The following GBE1 variants were observed in gnomAD, a reference collection of about 807,000 sequenced individuals.
GBE1 encodes 1,4-alpha-glucan-branching enzyme.
A neutral mutation model predicts 88.8 loss-of-function variants in GBE1; 70 were observed. The ratio of observed to expected loss-of-function variants is 0.79; its 90% CI spans 0.65 to 0.96. GBE1 has a LOEUF of 0.96. Ranked by LOEUF, GBE1 falls within the 40% of genes least tolerant of loss-of-function variation. GBE1 has a pLI of 0.00. For missense variants in GBE1, 872 were observed against 871.0 expected, an observed-to-expected ratio of 1.00 and a Z score of -0.01; for synonymous variants, 284 against 300.1, an observed-to-expected ratio of 0.95 and a Z score of 0.56.
At chr3:81,599,555 A>C (rs1442705873) in intron 7 of GBE1, among the ~76,000 whole-genome samples, 1 of 152,204 alleles carries the variant, frequency 6.6e-6, no homozygotes, top group Non-Finnish European at 1.5e-5. Context: ...TGTACTGAAT[A>C]CTGGAGGCAA....
chr3:81,606,490 T>C (rs750825050), intron 7 of GBE1, among the ~76,000 whole-genome samples: 10 of 152,218 alleles, frequency 6.6e-5, no homozygotes, highest in East Asian at 1.9e-4. Context: ...TGATTTCACT[T>C]GGAATAAAAT....
At chr3:81,697,997 A>G (rs1302861761) in intron 2 of GBE1, among the ~76,000 whole-genome samples, 2 of 148,234 alleles carry the variant, frequency 1.3e-5, no homozygotes, top group Non-Finnish European at 3.0e-5. Flanking sequence ...TCTATTAGGT[A>G]TAATATATTA....
intron 1 of GBE1, among the ~76,000 whole-genome samples, chr3:81,740,896 C>G (rs560422836): frequency 6.6e-6 from 1 of 152,204 alleles, no homozygotes; most frequent in Non-Finnish European, 1.5e-5. Context: ...GAGGTCCAGA[C>G]CACTAATTAT....
At chr3:81,584,393 T>C (rs1703771079) in intron 10 of GBE1, among the ~76,000 whole-genome samples, 1 of 152,068 alleles carries the variant, frequency 6.6e-6, no homozygotes, top group African/African-American at 2.4e-5. Flanking sequence ...TTTATTGACA[T>C]ATAGGGAGAA....
At chr3:81,693,468 G>A (rs1705549949) in intron 2 of GBE1, among the ~76,000 whole-genome samples, 1 of 151,996 alleles carries the variant, frequency 6.6e-6, no homozygotes, top group African/African-American at 2.4e-5. Context: ...TCAATTTAAT[G>A]TTATTAATAT....
At chr3:81,632,530 A>G (rs545378231) in intron 7 of GBE1, among the ~76,000 whole-genome samples, 2 of 152,262 alleles carry the variant, frequency 1.3e-5, no homozygotes, top group South Asian at 4.1e-4. Flanking sequence ...CCAGTCAGAA[A>G]GGTAATCATT....
intron 14 of GBE1, among the ~76,000 whole-genome samples, chr3:81,499,604 A>G (rs1201635851): frequency 6.6e-6 from 1 of 152,204 alleles, no homozygotes; most frequent in Non-Finnish European, 1.5e-5. Flanking sequence ...GAATAAGTTC[A>G]ACATGTAGTC....
In GBE1 at chr3:81,729,080, C is replaced by T. The variant is rs77175802; in HGVS notation, c.144-23467G>A. Among the ~76,000 whole-genome samples the T allele has an allele frequency of 3.1e-3, 478 of 152,262 alleles. 1 individual carries two copies. The highest frequency in any genetic ancestry group is 0.011 in the African/African-American group (440 of 41,554). On this transcript the variant is annotated intron_variant, in intron 1 of 15. Coordinates refer to ENST00000429644, the MANE Select transcript of GBE1 (RefSeq NM_000158.4). ...ATTAAATATTAAGTGACTATTTAAA[C>T]TGCCTGTTTGGAACTGATTATTATC...
intron 1 of GBE1, among the ~76,000 whole-genome samples, chr3:81,760,274 T>C (rs1429065509): frequency 6.6e-6 from 1 of 152,232 alleles, no homozygotes; most frequent in African/African-American, 2.4e-5. Flanking sequence ...GTTTTATTTA[T>C]AGGAGTTCCT....
chr3:81,554,188 G>GA (rs11335438), intron 12 of GBE1, among the ~76,000 whole-genome samples: 2 of 151,868 alleles, frequency 1.3e-5, no homozygotes, highest in African/African-American at 4.8e-5. Context: ...ATGGTGGGGG[G>GA]AAAAAAATGT....
intron 2 of GBE1, among the ~76,000 whole-genome samples, chr3:81,689,999 C>T (rs980768891): frequency 1.3e-5 from 2 of 152,078 alleles, no homozygotes; most frequent in Admixed American, 1.3e-4. Context: ...CCTAATCTTC[C>T]GTGGCTGTGT....
intron 1 of GBE1, 71 bp downstream of exon 1, chr3:81,761,303 GC>G (rs1440987128): frequency 1.3e-6 from 2 of 1,525,652 alleles, no homozygotes; most frequent in African/African-American, 1.4e-5. Flanking sequence ...CCGAGGGGCG[GC>G]CCGTGTCCCG....
chr3:81,594,473 C>T (rs994669900), intron 7 of GBE1, among the ~76,000 whole-genome samples: 1 of 152,008 alleles, frequency 6.6e-6, no homozygotes, highest in Non-Finnish European at 1.5e-5. Flanking sequence ...TCAGAAAATG[C>T]ATTTTCATTA....
intron 15 of GBE1, among the ~76,000 whole-genome samples, chr3:81,494,994 G>GA (rs1192780821): frequency 6.6e-6 from 1 of 152,064 alleles, no homozygotes; most frequent in Non-Finnish European, 1.5e-5. Flanking sequence ...AGTTTAAAAT[G>GA]AAAAAATATT....
chr3:81,512,819 A>G (rs1702742972), intron 14 of GBE1, among the ~76,000 whole-genome samples: 1 of 151,804 alleles, frequency 6.6e-6, no homozygotes, highest in Non-Finnish European at 1.5e-5. Context: ...CATATTGTAA[A>G]TTGCCATGCA....
At chr3:81,493,607 A>T (rs1203872130) in intron 15 of GBE1, among the ~76,000 whole-genome samples, 2 of 150,758 alleles carry the variant, frequency 1.3e-5, no homozygotes, top group African/African-American at 4.9e-5. Flanking sequence ...ATCTTGGCTC[A>T]CCGCAGCCTC....
rs1328253315 is a variant in GBE1, at chr3:81,642,969, C to T, written c.804G>A (p.Glu268=). 1 of 1,610,556 alleles carries T rather than the reference C, an allele frequency of 6.2e-7. No individual in the cohort carries two copies. Residue 268 remains glutamate (E), a synonymous_variant, in exon 7 of 16, where the codon GAG becomes GAA. Transcript: ENST00000429644. ...GAGCTGTGTCTACCAGTTCTTGTAG[C>T]TCTTCAGGTGTTCCATAACGGCTAA... is the stretch of plus-strand genomic sequence containing the variant. ...AASSRYGTPE[E]LQELVDTAHS...
At chr3:81,630,441 G>A (rs925177528) in intron 7 of GBE1, among the ~76,000 whole-genome samples, 18 of 152,058 alleles carry the variant, frequency 1.2e-4, no homozygotes, top group East Asian at 3.8e-4. Context: ...AAAAGAGCCC[G>A]CATTGCCAAG....
rs1241003960 is a variant in GBE1, at chr3:81,727,093, A to G, written c.144-21480T>C. ...ACCCATAGTAACATCCAGTCAACCTAATTTCCACACTGAGACAGTTCAATG... is the reference window on the plus strand; with the variant it reads ...ACCCATAGTAACATCCAGTCAACCTGATTTCCACACTGAGACAGTTCAATG... On this transcript the variant is annotated intron_variant, in intron 1 of 15. Coordinates refer to ENST00000429644, the MANE Select transcript of GBE1 (RefSeq NM_000158.4). Among the ~76,000 whole-genome samples the G allele has an allele frequency of 3.3e-5, 5 of 152,216 alleles. 1 individual carries two copies. The Middle Eastern group carries it at 0.01, about 311-fold the overall frequency.
Sources: gnomAD v4.1 joint callset for allele counts (sites outside exome capture counted in the v4.1 genomes callset) on GRCh38, gnomAD v4.1.1 for gene constraint, MANE v1.5 for transcripts, NCBI Gene and HGNC (gene_info 2026-07-23, HGNC 2026-07-21) for gene names.